EVL: variants seen among roughly 807,000 people sequenced by gnomAD.
EVL encodes ena/VASP-like protein.
In EVL, 21 loss-of-function variants were observed where a neutral mutation model predicts 59.6. That is an observed-to-expected ratio of 0.35 (90% CI 0.25 to 0.51). The LOEUF (loss-of-function observed/expected upper bound fraction) is 0.51. Ranked by LOEUF, EVL falls within the 20% of genes least tolerant of loss-of-function variation. EVL has a pLI of 0.97. For missense variants in EVL, 462 were observed against 546.6 expected, an observed-to-expected ratio of 0.85 and a Z score of 1.54; for synonymous variants, 198 against 203.5, an observed-to-expected ratio of 0.97 and a Z score of 0.23.
chr14:100,047,107 GAT>G (rs2061560600), intron 1 of EVL, among the ~76,000 whole-genome samples: 1 of 27,402 alleles, frequency 3.6e-5, no homozygotes, highest in South Asian at 1.5e-3. Context: ...ACCTTGGGCA[GAT>G]CTCTCTCTCT....
intron 1 of EVL, among the ~76,000 whole-genome samples, chr14:100,028,135 T>TTTTTTTTTTTGTTTG (rs2061248254): frequency 1.4e-5 from 1 of 71,106 alleles, no homozygotes; most frequent in Admixed American, 1.3e-4. Flanking sequence ...TGTTTGTTTG[T>TTTTTTTTTTTGTTTG]TTTTTTTTTT....
At chr14:100,095,773 G>A (rs1885766258) in intron 2 of EVL, among the ~76,000 whole-genome samples, 1 of 152,182 alleles carries the variant, frequency 6.6e-6, no homozygotes, top group African/African-American at 2.4e-5. Flanking sequence ...TGTTGCCCAG[G>A]CTGGAGTGCA....
intron 1 of EVL, among the ~76,000 whole-genome samples, chr14:100,077,754 C>T (rs970745106): frequency 6.6e-6 from 1 of 152,150 alleles, no homozygotes; most frequent in African/African-American, 2.4e-5. Flanking sequence ...CTGACTCTTA[C>T]AGTGCATACA....
chr14:100,058,886 G>T (rs917913235), intron 1 of EVL, among the ~76,000 whole-genome samples: 2 of 152,106 alleles, frequency 1.3e-5, no homozygotes, highest in African/African-American at 4.8e-5. Flanking sequence ...CGTGTAATTG[G>T]AGTGCCAAAA....
At chr14:100,123,065 A>C (rs1451841132) in intron 3 of EVL, among the ~76,000 whole-genome samples, 1 of 152,234 alleles carries the variant, frequency 6.6e-6, no homozygotes, top group Non-Finnish European at 1.5e-5. Flanking sequence ...GACATCCGCC[A>C]GCTGTCAGTG....
chr14:100,083,691 C>T (rs983762593), intron 1 of EVL, among the ~76,000 whole-genome samples: 5 of 152,158 alleles, frequency 3.3e-5, no homozygotes, highest in Non-Finnish European at 7.4e-5. Context: ...ACGTAAATGT[C>T]TTCAGCAAAG....
intron 3 of EVL, among the ~76,000 whole-genome samples, chr14:100,120,037 A>T (rs562641252): frequency 6.6e-6 from 1 of 152,322 alleles, no homozygotes; most frequent in Admixed American, 6.5e-5. Context: ...TGAAACTCAC[A>T]GCCCTGAGAA....
chr14:100,069,926 A>T (rs2062013194), intron 1 of EVL, among the ~76,000 whole-genome samples: 1 of 152,056 alleles, frequency 6.6e-6, no homozygotes, highest in African/African-American at 2.4e-5. Flanking sequence ...GCCACTTTAC[A>T]GATAAGAAAA....
intron 1 of EVL, among the ~76,000 whole-genome samples, chr14:100,052,417 A>G (rs941085843): frequency 6.6e-6 from 1 of 152,180 alleles, no homozygotes; most frequent in African/African-American, 2.4e-5. Context: ...TTTCGCAACC[A>G]TTTAAATTTA....
chr14:100,101,179 G>T (rs1225138798), intron 3 of EVL, among the ~76,000 whole-genome samples: 1 of 151,888 alleles, frequency 6.6e-6, no homozygotes, highest in African/African-American at 2.4e-5. Flanking sequence ...GGCCAACCTC[G>T]TCTCTACTAA....
intron 2 of EVL, among the ~76,000 whole-genome samples, chr14:100,091,691 T>C (rs1200529106): frequency 6.6e-6 from 1 of 152,124 alleles, no homozygotes; most frequent in East Asian, 1.9e-4. Flanking sequence ...TCCCTGAGTT[T>C]TGTGAGCATG....
intron 3 of EVL, among the ~76,000 whole-genome samples, chr14:100,112,223 A>G (rs954026711): frequency 3.3e-5 from 5 of 152,184 alleles, no homozygotes; most frequent in African/African-American, 9.6e-5. Flanking sequence ...CTTGAGATAC[A>G]GTTTCCAGTT....
In EVL at chr14:100,135,853, G is replaced by C. The variant is rs1888747920; in HGVS notation, c.901-52G>C. Reference sequence around the variant, plus strand: ...TTTATGAAGTGTCCAATGATGTCCTGCCCTGGCCCCAGGTGGCCTTCCTAA... The same window carrying C: ...TTTATGAAGTGTCCAATGATGTCCTCCCCTGGCCCCAGGTGGCCTTCCTAA... On this transcript the variant is annotated intron_variant, in intron 8 of 13. Transcript: ENST00000392920. The C allele has an allele frequency of 3.9e-6, 6 of 1,557,246 alleles. No homozygotes were observed. The South Asian group carries it at 6.7e-5, about 17-fold the overall frequency.
intron 1 of EVL, among the ~76,000 whole-genome samples, chr14:99,983,238 T>A (rs2060819357): frequency 6.6e-6 from 1 of 152,176 alleles, no homozygotes; most frequent in Admixed American, 6.6e-5. Flanking sequence ...TGACATTCTC[T>A]ATGAAAGATG....
In EVL at chr14:100,035,490, A is replaced by C. The variant is rs74084451; in HGVS notation, c.6-49197A>C. ...AAAGTCTAGCTCTAATTTATTAAGA[A>C]TTGTCAGGAAGAGAAATGTGCTGCC... On this transcript the variant is annotated intron_variant, in intron 1 of 13. Coordinates refer to the EVL transcript ENST00000402714. Among the ~76,000 whole-genome samples, 1,310 of 151,998 alleles carry C rather than the reference A, an allele frequency of 8.6e-3. 26 individuals carry two copies. Among genetic ancestry groups the C allele is most frequent in the African/African-American group, 0.03 (1,256 of 41,426 alleles).
chr14:100,079,073 C>G lies in EVL; in HGVS notation c.12-5614C>G, dbSNP rs1480329866. On this transcript the variant is annotated intron_variant, in intron 1 of 13. Coordinates refer to ENST00000392920, the MANE Select transcript of EVL (RefSeq NM_016337.3). ...AGCCTGTACCTTCCCAGAGGCCTCCCTCTGGAGGAGCGGGTCTTTCTCCGC... is the reference window on the plus strand; with the variant it reads ...AGCCTGTACCTTCCCAGAGGCCTCCGTCTGGAGGAGCGGGTCTTTCTCCGC... Among the ~76,000 whole-genome samples the G allele has an allele frequency of 2.6e-5, 4 of 152,292 alleles. No individual in the cohort carries two copies. In the East Asian group the frequency reaches 7.7e-4, roughly 30 times the overall value.
chr14:100,136,027 G>GA, intron 9 of EVL, 59 bp downstream of exon 9: 1 of 1,577,440 alleles, frequency 6.3e-7, no homozygotes, highest in Admixed American at 1.7e-5. Context: ...TGGGAGGGGG[G>GA]ACCCTTCGGA....
At chr14:100,092,020 C>T (rs534467724) in intron 2 of EVL, among the ~76,000 whole-genome samples, 1 of 152,158 alleles carries the variant, frequency 6.6e-6, no homozygotes, top group Non-Finnish European at 1.5e-5. Context: ...AGGAGGATCA[C>T]TTGAGCCCAG....
chr14:100,049,846 T>C (rs1487845412), intron 1 of EVL, among the ~76,000 whole-genome samples: 1 of 152,208 alleles, frequency 6.6e-6, no homozygotes, highest in East Asian at 1.9e-4. Flanking sequence ...AATCTACTTT[T>C]TTCTCTATGG....
Sources: gnomAD v4.1 joint callset for allele counts (sites outside exome capture counted in the v4.1 genomes callset) on GRCh38, gnomAD v4.1.1 for gene constraint, MANE v1.5 for transcripts, NCBI Gene and HGNC (gene_info 2026-07-23, HGNC 2026-07-21) for gene names.